Variants in ERAP1 observed in about 807,000 individuals in gnomAD.
ERAP1 encodes the protein adipocyte-derived leucine aminopeptidase.
ERAP1 carries 86 observed loss-of-function variants against 103.7 expected under a neutral mutation model. The ratio of observed to expected loss-of-function variants is 0.83; its 90% CI spans 0.70 to 0.99. The LOEUF is 0.99. ERAP1 is among the 50% of genes least tolerant of loss of function. The pLI, the probability that ERAP1 is intolerant of heterozygous loss-of-function variation, is 0.00. For synonymous variants in ERAP1, 398 were observed against 402.4 expected (o/e 0.99, Z 0.13); for missense variants, 1,009 against 1,128.4 (o/e 0.89, Z 1.52).
At chr5:96,818,498 G>A in the ERAP1 span, among the ~76,000 whole-genome samples, 3 of 151,076 alleles carry the variant, frequency 2.0e-5, no homozygotes, top group African/African-American at 4.9e-5. Flanking sequence ...CTAAGTTCCC[G>A]CTATGGGTGA....
At chr5:96,766,116 T>A (rs777985645) in intron 19 of ERAP1, 1 of 1,609,468 alleles carries the variant, frequency 6.2e-7, no homozygotes. Context: ...CCCACCTGAA[T>A]ACAGACATCT....
At chr5:96,779,037 A>T (rs1033513204) in intron 18 of ERAP1, among the ~76,000 whole-genome samples, 1 of 152,066 alleles carries the variant, frequency 6.6e-6, no homozygotes, top group African/African-American at 2.4e-5. Flanking sequence ...ATTTCCTTCG[A>T]TATCTTCTCA....
the ERAP1 span, chr5:96,883,778 G>A: frequency 6.2e-7 from 1 of 1,606,590 alleles, no homozygotes; most frequent in Non-Finnish European, 8.5e-7. Context: ...GGCTGGGGGT[G>A]GGTCTTTTCA....
Position 96,786,465 on chromosome 5 carries a change from A to G in ERAP1, c.1759+5T>C. On this transcript the variant is annotated splice_donor_5th_base_variant and intron_variant, in intron 12 of 18. Transcript: ENST00000443439. ...AATTAACTAGTAGTTTCCAAAATAA[A>G]TTACCTGTTTTTGTTTTTAGCAAAA... 1 of 1,593,630 alleles carries G rather than the reference A, an allele frequency of 6.3e-7. No homozygotes were observed. Among genetic ancestry groups the G allele is most frequent in the Non-Finnish European group, 8.6e-7 (1 of 1,162,074 alleles).
the ERAP1 span, among the ~76,000 whole-genome samples, chr5:96,833,018 C>T: frequency 6.6e-6 from 1 of 152,204 alleles, no homozygotes; most frequent in Non-Finnish European, 1.5e-5. Flanking sequence ...CCTGAGGATA[C>T]AAGAATTCAT....
chr5:96,767,332 C>T (rs1329595902), intron 19 of ERAP1: 4 of 836,988 alleles, frequency 4.8e-6, no homozygotes, highest in Non-Finnish European at 7.8e-6. Context: ...GTCTACACTC[C>T]ATTTTATCCA....
intron 11 of ERAP1, among the ~76,000 whole-genome samples, chr5:96,787,207 T>C (rs187666169): frequency 6.6e-6 from 1 of 152,350 alleles, no homozygotes; most frequent in East Asian, 1.9e-4. Context: ...ATATAAAGTT[T>C]ATTTCCCAAT....
the ERAP1 span, chr5:96,896,678 C>T: frequency 6.6e-7 from 1 of 1,508,092 alleles, no homozygotes. Context: ...TAAAAACATA[C>T]CATACTACCA....
the ERAP1 span, among the ~76,000 whole-genome samples, chr5:96,814,938 A>G: frequency 6.6e-6 from 1 of 152,242 alleles, no homozygotes; most frequent in Non-Finnish European, 1.5e-5. Context: ...CTACAGATGT[A>G]GCTGAGTTAT....
the ERAP1 span, among the ~76,000 whole-genome samples, chr5:96,928,152 G>A: frequency 1.3e-5 from 2 of 152,140 alleles, no homozygotes; most frequent in South Asian, 4.1e-4. Flanking sequence ...GCCTCTCAAA[G>A]TGCTGGGATT....
chr5:96,917,680 G>A, the ERAP1 span: 1 of 1,254,266 alleles, frequency 8.0e-7, no homozygotes, highest in East Asian at 2.8e-5. Flanking sequence ...GCTGAGAAGG[G>A]CGGATCACGA....
chr5:96,851,010 T>C, the ERAP1 span, among the ~76,000 whole-genome samples: 2 of 152,136 alleles, frequency 1.3e-5, no homozygotes, highest in Admixed American at 6.6e-5. Context: ...TTAGAAAATA[T>C]TTTGACATGC....
intron 6 of ERAP1, 120 bp downstream of exon 6, chr5:96,793,683 A>C: frequency 8.5e-7 from 1 of 1,175,048 alleles, no homozygotes; most frequent in Non-Finnish European, 1.2e-6. Context: ...AATGCTTTGG[A>C]GAAACAATTT....
At chr5:96,814,036 A>G in the ERAP1 span, 10 of 290,760 alleles carry the variant, frequency 3.4e-5, no homozygotes, top group Non-Finnish European at 6.9e-5. Flanking sequence ...ATCAACTTAA[A>G]ACAACACATT....
chr5:96,832,957 A>G, the ERAP1 span, among the ~76,000 whole-genome samples: 1 of 152,214 alleles, frequency 6.6e-6, no homozygotes, highest in Non-Finnish European at 1.5e-5. Context: ...GAATGAAATT[A>G]GTGCCCATAT....
chr5:96,907,611 G>T, the ERAP1 span, among the ~76,000 whole-genome samples: 2 of 151,462 alleles, frequency 1.3e-5, no homozygotes, highest in Non-Finnish European at 2.9e-5. Flanking sequence ...GCCGGGCCAG[G>T]TGGCTCATGC....
At chr5:96,854,918 C>T in the ERAP1 span, among the ~76,000 whole-genome samples, 3 of 152,092 alleles carry the variant, frequency 2.0e-5, no homozygotes, top group African/African-American at 7.2e-5. Flanking sequence ...TATCTTCAGG[C>T]TTCATCTTTT....
chr5:96,840,653 T>C, the ERAP1 span, among the ~76,000 whole-genome samples: 1 of 152,212 alleles, frequency 6.6e-6, no homozygotes, highest in South Asian at 2.1e-4. Flanking sequence ...GCTGATACTC[T>C]GTTAAAGCAG....
the ERAP1 span, among the ~76,000 whole-genome samples, chr5:96,848,238 A>G: frequency 2.6e-5 from 4 of 152,088 alleles, no homozygotes; most frequent in African/African-American, 9.7e-5. Flanking sequence ...TTTAGTAGAG[A>G]TGGGATTTCA....
Sources: gnomAD v4.1 joint callset for allele counts (sites outside exome capture counted in the v4.1 genomes callset) on GRCh38, gnomAD v4.1.1 for gene constraint, MANE v1.5 for transcripts, NCBI Gene and HGNC (gene_info 2026-07-23, HGNC 2026-07-21) for gene names.